The following CWC27 variants were observed in gnomAD, a reference collection of about 807,000 sequenced individuals.
CWC27 encodes the protein spliceosome-associated protein CWC27 homolog.
CWC27 carries 47 observed loss-of-function variants against 63.6 expected under a neutral mutation model. That is an observed-to-expected ratio of 0.74 (90% CI 0.58 to 0.94). The LOEUF is 0.94. Ranked by LOEUF, CWC27 falls within the 40% of genes least tolerant of loss-of-function variation. CWC27 has a pLI of 0.00. For synonymous variants in CWC27, 175 were observed against 179.8 expected, an observed-to-expected ratio of 0.97 and a Z score of 0.22; for missense variants, 495 against 554.3, an observed-to-expected ratio of 0.89 and a Z score of 1.07.
chr5:64,930,991 C>G (rs1029114515), intron 11 of CWC27, among the ~76,000 whole-genome samples: 1 of 152,052 alleles, frequency 6.6e-6, no homozygotes, highest in African/African-American at 2.4e-5. Flanking sequence ...GCTTAGGAGT[C>G]TACAGAGACA....
intron 11 of CWC27, among the ~76,000 whole-genome samples, chr5:64,907,275 G>C (rs546630136): frequency 1.3e-5 from 2 of 152,110 alleles, no homozygotes; most frequent in African/African-American, 4.8e-5. Flanking sequence ...CCATTTTCAC[G>C]ATATTGATTC....
chr5:64,785,857 A>T (rs956714971), intron 5 of CWC27, among the ~76,000 whole-genome samples: 2 of 152,054 alleles, frequency 1.3e-5, no homozygotes, highest in African/African-American at 4.8e-5. Context: ...CAAAGTAGTG[A>T]CTTCATAGGT....
At chr5:64,907,843 G>T (rs1330958561) in intron 11 of CWC27, among the ~76,000 whole-genome samples, 1 of 148,174 alleles carries the variant, frequency 6.7e-6, no homozygotes, top group Non-Finnish European at 1.5e-5. Context: ...CCAGCTCCTG[G>T]ATTCATTGAT....
intron 11 of CWC27, among the ~76,000 whole-genome samples, chr5:64,917,801 G>A (rs1434796559): frequency 1.3e-5 from 2 of 152,084 alleles, no homozygotes; most frequent in Non-Finnish European, 2.9e-5. Flanking sequence ...TACACTATCA[G>A]CTCTCCTGGG....
chr5:64,912,925 G>A (rs1037650384), intron 11 of CWC27, among the ~76,000 whole-genome samples: 1 of 152,252 alleles, frequency 6.6e-6, no homozygotes, highest in East Asian at 1.9e-4. Context: ...TTCGGTTTAT[G>A]AAGCCAACAT....
At chr5:65,000,036 G>C (rs1749705472) in intron 13 of CWC27, among the ~76,000 whole-genome samples, 1 of 151,944 alleles carries the variant, frequency 6.6e-6, no homozygotes, top group African/African-American at 2.4e-5. Context: ...ATTCTAATTG[G>C]GGTGAGATGA....
chr5:64,987,878 A>G (rs1182261940), intron 13 of CWC27, among the ~76,000 whole-genome samples: 2 of 152,046 alleles, frequency 1.3e-5, no homozygotes, highest in Non-Finnish European at 2.9e-5. Flanking sequence ...TGTTCTTGCA[A>G]GTTTGATTTG....
At chr5:64,836,021 G>T (rs566798034) in intron 10 of CWC27, among the ~76,000 whole-genome samples, 1 of 151,766 alleles carries the variant, frequency 6.6e-6, no homozygotes, top group East Asian at 1.9e-4. Context: ...AATATTTAAT[G>T]AAGCAATAAA....
At chr5:64,815,463 A>G (rs1181466020) in intron 10 of CWC27, among the ~76,000 whole-genome samples, 1 of 152,228 alleles carries the variant, frequency 6.6e-6, no homozygotes, top group Non-Finnish European at 1.5e-5. Flanking sequence ...AAAGCAAGTT[A>G]TATCGTTAAG....
At chr5:64,816,355 T>C (rs1745030156) in intron 10 of CWC27, among the ~76,000 whole-genome samples, 1 of 152,176 alleles carries the variant, frequency 6.6e-6, no homozygotes, top group Non-Finnish European at 1.5e-5. Flanking sequence ...TGCCAGTGTT[T>C]AACTGGAGTC....
intron 11 of CWC27, among the ~76,000 whole-genome samples, chr5:64,886,188 A>C (rs1344914375): frequency 6.6e-6 from 1 of 152,010 alleles, no homozygotes; most frequent in African/African-American, 2.4e-5. Context: ...TACGATTTTT[A>C]TTAAGCTTCA....
intron 5 of CWC27, 79 bp downstream of exon 5, chr5:64,785,658 T>C: frequency 1.1e-6 from 1 of 897,112 alleles, no homozygotes. Context: ...TTTAAACTAT[T>C]GGATTAAGGC....
intron 11 of CWC27, among the ~76,000 whole-genome samples, chr5:64,887,030 C>T (rs1438544988): frequency 6.6e-6 from 1 of 151,906 alleles, no homozygotes; most frequent in African/African-American, 2.4e-5. Flanking sequence ...AAAGATCTTT[C>T]AACTAGAAAG....
At chr5:64,775,910 C>T (rs1743424162) in intron 2 of CWC27, among the ~76,000 whole-genome samples, 3 of 151,866 alleles carry the variant, frequency 2.0e-5, no homozygotes, top group Admixed American at 2.0e-4. Context: ...TATCAGAAAA[C>T]AACATTTTGG....
At chr5:64,960,320 A>T (rs924574582) in intron 11 of CWC27, among the ~76,000 whole-genome samples, 2 of 152,088 alleles carry the variant, frequency 1.3e-5, no homozygotes, top group African/African-American at 2.4e-5. Flanking sequence ...AATCCATGTG[A>T]TAAATTATTT....
chr5:64,889,894 A>C (rs1334682733), intron 11 of CWC27, among the ~76,000 whole-genome samples: 1 of 152,134 alleles, frequency 6.6e-6, no homozygotes, highest in African/African-American at 2.4e-5. Context: ...TAAATTTTGA[A>C]TAAGATTGAT....
At chr5:64,886,614 T>C (rs564149644) in intron 11 of CWC27, among the ~76,000 whole-genome samples, 1 of 152,258 alleles carries the variant, frequency 6.6e-6, no homozygotes, top group African/African-American at 2.4e-5. Context: ...TTGTTTATTT[T>C]AAGTAGCATG....
At chr5:64,796,025 GT>G (rs1360566486) in intron 7 of CWC27, among the ~76,000 whole-genome samples, 8 of 149,896 alleles carry the variant, frequency 5.3e-5, no homozygotes, top group African/African-American at 2.0e-4. Context: ...GTGTGTGTGT[GT>G]GTGTGTGTGT....
chr5:65,017,967 TC>T (rs772248428), intron 13 of CWC27, among the ~76,000 whole-genome samples, 191 bp from the exon 14 acceptor site: 50 of 152,326 alleles, frequency 3.3e-4, no homozygotes, highest in Non-Finnish European at 6.2e-4. Context: ...CAGAACAAAC[TC>T]CAGACATGTT....
Sources: allele counts gnomAD v4.1 joint callset (sites outside exome capture counted in the v4.1 genomes callset), GRCh38; gene constraint gnomAD v4.1.1; transcripts MANE v1.5; gene names NCBI Gene and HGNC (gene_info 2026-07-23, HGNC 2026-07-21).